SENP7: variants seen among roughly 807,000 people sequenced by gnomAD.
The protein encoded by SENP7 is SUMO specific peptidase 7, also known as sentrin-specific protease 7.
SENP7 carries 64 observed loss-of-function variants against 141.2 expected under a neutral mutation model. The ratio of observed to expected loss-of-function variants is 0.45; its 90% confidence interval spans 0.37 to 0.56. The LOEUF (loss-of-function observed/expected upper bound fraction) is 0.56. Among genes scored for constraint, SENP7 ranks in the 20% least tolerant of loss-of-function variants. The pLI is 0.00. For synonymous variants in SENP7, 382 were observed against 426.4 expected (o/e 0.90, Z 1.28); for missense variants, 1,025 against 1,212.2 (o/e 0.85, Z 2.29).
intron 11 of SENP7, among the ~76,000 whole-genome samples, chr3:101,354,538 A>G (rs2107294032): frequency 6.6e-6 from 1 of 152,188 alleles, no homozygotes; most frequent in African/African-American, 2.4e-5. Flanking sequence ...TTAGTTTGCT[A>G]AGGATAATAG....
chr3:101,376,312 T>C (rs1431317932), intron 6 of SENP7, among the ~76,000 whole-genome samples: 1 of 152,124 alleles, frequency 6.6e-6, no homozygotes, highest in African/African-American at 2.4e-5. Context: ...CTGTACTTAA[T>C]GGCAGTGAAC....
At chr3:101,413,523 C>T (rs1250697420) in intron 5 of SENP7, among the ~76,000 whole-genome samples, 1 of 151,952 alleles carries the variant, frequency 6.6e-6, no homozygotes, top group Non-Finnish European at 1.5e-5. Context: ...TAATAAGTGT[C>T]CAGTACTATA....
chr3:101,492,385 T>A (rs2065002255), intron 3 of SENP7, among the ~76,000 whole-genome samples: 1 of 151,664 alleles, frequency 6.6e-6, no homozygotes, highest in Non-Finnish European at 1.5e-5. Context: ...AAAAAAAAAA[T>A]ACGTAAATAA....
At chr3:101,508,732 A>G (rs998251769) in intron 1 of SENP7, among the ~76,000 whole-genome samples, 1 of 152,178 alleles carries the variant, frequency 6.6e-6, no homozygotes, top group African/African-American at 2.4e-5. Flanking sequence ...CTTTGCCCTT[A>G]TATCTTGCCA....
intron 4 of SENP7, among the ~76,000 whole-genome samples, chr3:101,431,328 G>A (rs2062159644): frequency 6.6e-6 from 1 of 151,684 alleles, no homozygotes; most frequent in Non-Finnish European, 1.5e-5. Flanking sequence ...TCTCTTTGTA[G>A]GTCTCTAAGA....
chr3:101,437,809 T>C (rs1206185428), intron 4 of SENP7, among the ~76,000 whole-genome samples: 2 of 152,186 alleles, frequency 1.3e-5, no homozygotes, highest in South Asian at 2.1e-4. Flanking sequence ...CCAAAGAAGA[T>C]ATATGAATCT....
At chr3:101,374,462 T>C (rs1330710586) in intron 6 of SENP7, among the ~76,000 whole-genome samples, 1 of 152,118 alleles carries the variant, frequency 6.6e-6, no homozygotes, top group Non-Finnish European at 1.5e-5. Flanking sequence ...TTCATTAAAA[T>C]TGAAAACTTA....
At chr3:101,459,480 T>G (rs2063477721) in intron 3 of SENP7, among the ~76,000 whole-genome samples, 1 of 152,202 alleles carries the variant, frequency 6.6e-6, no homozygotes, top group Admixed American at 6.5e-5. Flanking sequence ...GCCGGACACC[T>G]TATTGACAGA....
At chr3:101,458,888 A>C in intron 4 of SENP7, 67 bp downstream of exon 4, 2 of 947,242 alleles carry the variant, frequency 2.1e-6, no homozygotes, top group South Asian at 3.1e-5. Flanking sequence ...CAACAAGCTT[A>C]AATGAATCAT....
chr3:101,346,123 T>C (rs909691433), intron 13 of SENP7, among the ~76,000 whole-genome samples: 2 of 151,984 alleles, frequency 1.3e-5, no homozygotes, highest in African/African-American at 4.8e-5. Flanking sequence ...GAATAGACAA[T>C]TCTCAAAAGA....
intron 6 of SENP7, among the ~76,000 whole-genome samples, chr3:101,384,302 C>T (rs1048364956): frequency 2.6e-5 from 4 of 152,230 alleles, no homozygotes; most frequent in African/African-American, 9.6e-5. Context: ...AGCTATAATA[C>T]AAACAGGGCT....
intron 11 of SENP7, among the ~76,000 whole-genome samples, chr3:101,352,717 G>A (rs1317278286): frequency 1.3e-5 from 2 of 151,936 alleles, no homozygotes; most frequent in Non-Finnish European, 2.9e-5. Context: ...ATCAAATCGG[G>A]TATGGTCTGT....
chr3:101,427,490 C>CAAAAA lies in SENP7; in HGVS notation c.285-9705_285-9701dup, dbSNP rs55677738. Among the ~76,000 whole-genome samples the CAAAAA allele has an allele frequency of 2.9e-3, 294 of 100,908 alleles. 1 individual carries two copies. The highest frequency in any genetic ancestry group is 6.6e-3 in the East Asian group (22 of 3,350). The allele number at this position is 100,908 out of a possible 152,430, so 66.2% of individuals were successfully genotyped here. On this transcript the variant is annotated intron_variant, in intron 4 of 23. Coordinates refer to ENST00000394095, the MANE Select transcript of SENP7 (RefSeq NM_020654.5). ...GGGTGACAGAGCAAGACACTGTCTC[C>CAAAAA]AAAAAAAAAAAAAAAAAAATTTGAT...
chr3:101,442,667 G>GT (rs1409995983), intron 4 of SENP7, among the ~76,000 whole-genome samples: 1 of 151,954 alleles, frequency 6.6e-6, no homozygotes, highest in Non-Finnish European at 1.5e-5. Context: ...AGAAATTCAG[G>GT]ATATAAGTGA....
In SENP7 at chr3:101,468,567, G is replaced by T. The variant is rs576677441; in HGVS notation, c.187-9515C>A. On this transcript the variant is annotated intron_variant, in intron 3 of 23. Coordinates refer to ENST00000394095, the MANE Select transcript of SENP7 (RefSeq NM_020654.5). ...GGGGCCAATATTCAACATTCTTAAA[G>T]AAAAGAATTTTCAATCCAGAATTTA... Among the ~76,000 whole-genome samples, 5 of 152,238 alleles carry T rather than the reference G, an allele frequency of 3.3e-5. 1 individual carries two copies. The highest frequency in any genetic ancestry group is 1.2e-4 in the African/African-American group (5 of 41,548).
intron 4 of SENP7, among the ~76,000 whole-genome samples, chr3:101,443,138 G>A (rs2062746538): frequency 6.6e-6 from 1 of 152,164 alleles, no homozygotes; most frequent in Non-Finnish European, 1.5e-5. Flanking sequence ...AAGGTGTAAG[G>A]AAGGGATCCA....
intron 6 of SENP7, among the ~76,000 whole-genome samples, chr3:101,386,421 C>G (rs547665336): frequency 6.3e-4 from 96 of 152,264 alleles, no homozygotes; most frequent in Non-Finnish European, 1.2e-3. Context: ...CTGCACTGTT[C>G]AACAGGGAGA....
intron 6 of SENP7, among the ~76,000 whole-genome samples, chr3:101,381,453 T>C (rs2060499195): frequency 6.6e-6 from 1 of 152,018 alleles, no homozygotes; most frequent in Non-Finnish European, 1.5e-5. Flanking sequence ...CAGAAAAATA[T>C]TTAGATGAAA....
intron 4 of SENP7, among the ~76,000 whole-genome samples, chr3:101,430,451 C>G (rs867264307): frequency 5.1e-4 from 78 of 152,280 alleles, no homozygotes; most frequent in African/African-American, 1.7e-3. Context: ...TCCATTTCTT[C>G]TAGATTTTCT....
Sources: gnomAD v4.1 joint callset for allele counts (sites outside exome capture counted in the v4.1 genomes callset) on GRCh38, gnomAD v4.1.1 for gene constraint, MANE v1.5 for transcripts, NCBI Gene and HGNC (gene_info 2026-07-23, HGNC 2026-07-21) for gene names.